Variants in CCDC141 observed in about 807,000 individuals in gnomAD.
The protein encoded by CCDC141 is coiled-coil domain-containing protein 141.
CCDC141 carries 168 observed loss-of-function variants against 181.0 expected under a neutral mutation model. The ratio of observed to expected loss-of-function variants is 0.93; its 90% CI spans 0.82 to 1.05. CCDC141 has a LOEUF of 1.05. Among genes scored for constraint, CCDC141 ranks in the 50% least tolerant of loss-of-function variants. The pLI, the probability that CCDC141 is intolerant of heterozygous loss-of-function variation, is 0.00. For synonymous variants in CCDC141, 666 were observed against 642.3 expected (o/e 1.04, Z -0.56); for missense variants, 1,902 against 1,788.5 (o/e 1.06, Z -1.14).
chr2:179,049,565 CT>C (rs1205611646), intron 1 of CCDC141, among the ~76,000 whole-genome samples: 1 of 148,872 alleles, frequency 6.7e-6, no homozygotes, highest in Non-Finnish European at 1.5e-5. Flanking sequence ...TAGAGGTTTT[CT>C]TTTCTTTATT....
intron 11 of CCDC141, among the ~76,000 whole-genome samples, chr2:178,882,154 C>A (rs1388961188): frequency 6.6e-6 from 1 of 151,974 alleles, no homozygotes; most frequent in Admixed American, 6.6e-5. Context: ...GGTGGATCAC[C>A]TGAGGTTGGG....
At chr2:178,990,646 A>AAT (rs1420026460) in intron 2 of CCDC141, among the ~76,000 whole-genome samples, 1 of 151,860 alleles carries the variant, frequency 6.6e-6, no homozygotes, top group Non-Finnish European at 1.5e-5. Flanking sequence ...AAGTGAGACC[A>AAT]ATACATGCTA....
rs1381893807 is a variant in CCDC141 at position 178,881,682 on chromosome 2, G to A, written c.1719+3219C>T. 2.0e-5 allele frequency among the ~76,000 whole-genome samples: 3 copies of A among 151,894 alleles called. No individual in the cohort carries two copies. The South Asian group carries it at 6.2e-4, about 32-fold the overall frequency. On this transcript the variant is annotated intron_variant, in intron 11 of 23. Coordinates refer to ENST00000443758, the MANE Select transcript of CCDC141 (RefSeq NM_173648.4). ...GGAATATCTTCTTCCCATTTCAAGAGTCCAAATTTGAGCCTGGGCATCATG... is the reference window on the plus strand; with the variant it reads ...GGAATATCTTCTTCCCATTTCAAGAATCCAAATTTGAGCCTGGGCATCATG...
At chr2:178,879,449 C>T (rs1304042318) in intron 11 of CCDC141, among the ~76,000 whole-genome samples, 1 of 152,168 alleles carries the variant, frequency 6.6e-6, no homozygotes, top group Non-Finnish European at 1.5e-5. Flanking sequence ...TCCATTTATA[C>T]ATGCCTCTAT....
At chr2:178,822,485 G>A in the CCDC141 span, among the ~76,000 whole-genome samples, 1 of 151,512 alleles carries the variant, frequency 6.6e-6, no homozygotes, top group East Asian at 1.9e-4. Flanking sequence ...ATTTTAAGAG[G>A]AGTAATACAG....
chr2:178,890,281 A>T (rs1020298221), intron 8 of CCDC141, among the ~76,000 whole-genome samples: 1 of 152,092 alleles, frequency 6.6e-6, no homozygotes, highest in African/African-American at 2.4e-5. Context: ...GCCCACTCCC[A>T]CCTCTGAGTT....
chr2:178,908,440 C>G (rs1476927431), intron 7 of CCDC141, among the ~76,000 whole-genome samples: 1 of 152,150 alleles, frequency 6.6e-6, no homozygotes, highest in Non-Finnish European at 1.5e-5. Context: ...GATCTGCCTG[C>G]GTCGGCCTCC....
At position 178,845,711 on chromosome 2, in the gene CCDC141, A is replaced by G. The variant is rs766245151; in HGVS notation, c.3389T>C (p.Leu1130Ser). ...AATGTAATCATAATGGAAGTCTTCC[A>G]AATTCGGATTCATCTTTAAAACATC... ...QGDVLKMNPN[L>S]EDFHYDYIDL... Residue 1130 changes from leucine (L) to serine (S), a missense_variant, in exon 22 of 24, where the codon TTG becomes TCG. Coordinates refer to ENST00000443758, the MANE Select transcript of CCDC141 (RefSeq NM_173648.4). The G allele has an allele frequency of 6.2e-7, 1 of 1,611,776 alleles. No individual in the cohort carries two copies. The highest frequency in any genetic ancestry group is 2.2e-5 in the East Asian group (1 of 44,770).
chr2:178,975,544 T>C (rs1242652600), intron 3 of CCDC141, among the ~76,000 whole-genome samples: 1 of 152,100 alleles, frequency 6.6e-6, no homozygotes. Context: ...AAGCAGAAAG[T>C]TAGCTAAGGG....
intron 4 of CCDC141, among the ~76,000 whole-genome samples, chr2:178,963,787 T>C (rs1690505266): frequency 6.6e-6 from 1 of 152,120 alleles, no homozygotes; most frequent in Non-Finnish European, 1.5e-5. Flanking sequence ...CTGTAAAATA[T>C]TAGCTAGTAG....
At chr2:179,008,672 T>C (rs2042178620) in intron 2 of CCDC141, among the ~76,000 whole-genome samples, 2 of 152,130 alleles carry the variant, frequency 1.3e-5, no homozygotes, top group African/African-American at 4.8e-5. Flanking sequence ...GAAGCACCAC[T>C]CCACATATAT....
intron 23 of CCDC141, 50 bp downstream of exon 23, chr2:178,836,844 C>G: frequency 6.4e-7 from 1 of 1,557,122 alleles, no homozygotes; most frequent in Middle Eastern, 2.0e-4. Flanking sequence ...TGATTTTTCT[C>G]TGTGATTGAA....
intron 11 of CCDC141, among the ~76,000 whole-genome samples, chr2:178,883,892 G>T (rs1247108727): frequency 6.6e-6 from 1 of 152,018 alleles, no homozygotes; most frequent in Non-Finnish European, 1.5e-5. Context: ...ACAAAATAAG[G>T]CCTCAGAAGA....
At chr2:178,908,192 TTTTTG>T (rs1688063339) in intron 7 of CCDC141, among the ~76,000 whole-genome samples, 1 of 152,068 alleles carries the variant, frequency 6.6e-6, no homozygotes, top group African/African-American at 2.4e-5. Flanking sequence ...AGGGTTAGGT[TTTTTG>T]TTTTGTTTTG....
chr2:178,990,141 A>AG (rs1367983550), intron 2 of CCDC141, among the ~76,000 whole-genome samples: 1 of 148,754 alleles, frequency 6.7e-6, no homozygotes, highest in East Asian at 1.9e-4. Flanking sequence ...TTCCATCTCA[A>AG]AAAAAAAAAA....
chr2:179,013,373 CA>C (rs1008056310), intron 2 of CCDC141, among the ~76,000 whole-genome samples: 10 of 151,752 alleles, frequency 6.6e-5, no homozygotes, highest in African/African-American at 2.4e-4. Context: ...ACAATGGCTG[CA>C]AAAAAATAAA....
intron 2 of CCDC141, among the ~76,000 whole-genome samples, chr2:179,025,250 T>C (rs190745227): frequency 6.6e-6 from 1 of 152,254 alleles, no homozygotes; most frequent in Non-Finnish European, 1.5e-5. Context: ...AATTTTTTGA[T>C]CTTCACCCTC....
intron 5 of CCDC141, among the ~76,000 whole-genome samples, chr2:178,948,268 T>TA (rs1204756953): frequency 1.3e-5 from 2 of 152,312 alleles, no homozygotes; most frequent in African/African-American, 4.8e-5. Flanking sequence ...CGGGTTAATT[T>TA]AAAAATATTA....
chr2:178,934,111 A>T (rs959037446), intron 6 of CCDC141, among the ~76,000 whole-genome samples: 4 of 151,194 alleles, frequency 2.6e-5, no homozygotes, highest in Non-Finnish European at 5.9e-5. Flanking sequence ...TTTTTTCAAC[A>T]CCCCCCAGGT....
Sources: allele counts gnomAD v4.1 joint callset (sites outside exome capture counted in the v4.1 genomes callset), GRCh38; gene constraint gnomAD v4.1.1; transcripts MANE v1.5; gene names NCBI Gene and HGNC (gene_info 2026-07-23, HGNC 2026-07-21).